Variants in GTF2B observed in about 807,000 individuals in gnomAD.
The protein encoded by GTF2B is transcription initiation factor IIB.
A neutral mutation model predicts 34.6 loss-of-function variants in GTF2B; 20 were observed. That is an observed-to-expected ratio of 0.58 (90% CI 0.41 to 0.84). GTF2B has a LOEUF of 0.84. Ranked by LOEUF, GTF2B falls within the 40% of genes least tolerant of loss-of-function variation. The pLI, the probability that GTF2B is intolerant of heterozygous loss-of-function variation, is 0.00. For missense variants in GTF2B, 237 were observed against 393.3 expected (o/e 0.60, Z 3.36); for synonymous variants, 142 against 132.4 (o/e 1.07, Z -0.50).
intron 3 of GTF2B, among the ~76,000 whole-genome samples, chr1:88,860,845 G>A (rs1027675173): frequency 6.6e-6 from 1 of 152,090 alleles, no homozygotes; most frequent in African/African-American, 2.4e-5. Context: ...ATGATTAATG[G>A]AGAAACATTA....
chr1:88,890,072 A>G lies in GTF2B; in HGVS notation c.17+1411T>C, dbSNP rs528271894. On this transcript the variant is annotated intron_variant, in intron 1 of 6. Transcript: ENST00000370500. ...TTTAACTTTCTTTGTTGTCACTGAT[A>G]GAAAAACTTGAGCAATAACTGCTAT... Among the ~76,000 whole-genome samples the G allele has an allele frequency of 5.3e-5, 8 of 152,198 alleles. No individual in the cohort carries two copies. The East Asian group carries it at 1.5e-3, about 29-fold the overall frequency.
At chr1:88,861,902 C>T (rs917930340) in intron 3 of GTF2B, among the ~76,000 whole-genome samples, 6 of 152,140 alleles carry the variant, frequency 3.9e-5, no homozygotes, top group African/African-American at 1.4e-4. Context: ...TAATATCAAC[C>T]AAGTGGAGAC....
chr1:88,870,671 A>G (rs1673671042), intron 2 of GTF2B, among the ~76,000 whole-genome samples: 1 of 152,206 alleles, frequency 6.6e-6, no homozygotes, highest in Non-Finnish European at 1.5e-5. Flanking sequence ...CAAAAAACAT[A>G]TTCCATTTCC....
intron 3 of GTF2B, among the ~76,000 whole-genome samples, chr1:88,862,731 C>T (rs1199843480): frequency 5.9e-5 from 9 of 151,966 alleles, no homozygotes; most frequent in Non-Finnish European, 1.2e-4. Context: ...CTCCGCCTCC[C>T]GGGTTCAAGC....
intron 2 of GTF2B, among the ~76,000 whole-genome samples, chr1:88,870,240 T>C: frequency 6.6e-6 from 1 of 152,238 alleles, no homozygotes; most frequent in East Asian, 1.9e-4. Flanking sequence ...AAATGACTTC[T>C]AAGGTGAGAG....
intron 5 of GTF2B, among the ~76,000 whole-genome samples, chr1:88,858,136 A>C (rs1400862705): frequency 6.6e-6 from 1 of 151,172 alleles, no homozygotes; most frequent in East Asian, 1.9e-4. Flanking sequence ...AGTAGTTGGG[A>C]TTACAGGCGC....
At chr1:88,871,462 G>A (rs969668426) in intron 2 of GTF2B, among the ~76,000 whole-genome samples, 5 of 152,154 alleles carry the variant, frequency 3.3e-5, no homozygotes, top group Non-Finnish European at 5.9e-5. Context: ...GATGGGGGAA[G>A]GGAAATGTGG....
chr1:88,874,573 C>T (rs559384357), intron 2 of GTF2B, among the ~76,000 whole-genome samples: 14 of 149,596 alleles, frequency 9.4e-5, no homozygotes, highest in Middle Eastern at 7.0e-3. Flanking sequence ...GAACTCCTGG[C>T]CCCAAGTGAT....
chr1:88,869,404 T>G (rs543223353), intron 2 of GTF2B, among the ~76,000 whole-genome samples: 4 of 152,326 alleles, frequency 2.6e-5, no homozygotes, highest in Non-Finnish European at 5.9e-5. Flanking sequence ...AATGGAATAT[T>G]CTTCAGTAAA....
At chr1:88,871,023 T>G (rs1019726747) in intron 2 of GTF2B, among the ~76,000 whole-genome samples, 2 of 151,114 alleles carry the variant, frequency 1.3e-5, no homozygotes, top group African/African-American at 2.4e-5. Context: ...TGCCTTGGCC[T>G]CCTGAGTAGC....
intron 1 of GTF2B, among the ~76,000 whole-genome samples, chr1:88,891,107 T>A (rs1303429215): frequency 1.5e-5 from 1 of 65,602 alleles, no homozygotes. Flanking sequence ...GGGCCGTAGA[T>A]GAAAAAAACA....
In GTF2B at chr1:88,857,303, C is replaced by T; in HGVS notation, c.720G>A (p.Val240=). The change falls in exon 6 of 7, where the codon GTG becomes GTA. Residue 240 remains valine (V), a synonymous_variant. Transcript: ENST00000370500. ...TCCTCCCAGGAACCAAGTCCAGTTC[C>T]ACAGCTTTACGGGCTATATGTGTAG... The part of the protein sequence containing the change: ...MAATHIARKA[V]ELDLVPGRSP... The T allele has an allele frequency of 6.2e-7, 1 of 1,613,660 alleles. No individual in the cohort carries two copies. Among genetic ancestry groups the T allele is most frequent in the Non-Finnish European group, 8.5e-7 (1 of 1,179,592 alleles).
intron 2 of GTF2B, among the ~76,000 whole-genome samples, chr1:88,878,014 G>A (rs1470188798): frequency 6.6e-6 from 1 of 152,172 alleles, no homozygotes; most frequent in Non-Finnish European, 1.5e-5. Flanking sequence ...CCCAGGTTGG[G>A]CGTGGACATT....
At chr1:88,857,185 C>A in intron 6 of GTF2B, 21 bp downstream of exon 6, 2 of 1,586,936 alleles carry the variant, frequency 1.3e-6, no homozygotes, top group Non-Finnish European at 1.7e-6. Context: ...TACTGCCACA[C>A]TTCCTGATGA....
chr1:88,882,187 G>C (rs1008181212), intron 2 of GTF2B, among the ~76,000 whole-genome samples: 6 of 151,866 alleles, frequency 4.0e-5, no homozygotes, highest in African/African-American at 1.2e-4. Flanking sequence ...GTGCATGCCT[G>C]TAATCCCAGG....
At chr1:88,868,007 G>C (rs1295418053) in intron 2 of GTF2B, among the ~76,000 whole-genome samples, 2 of 152,190 alleles carry the variant, frequency 1.3e-5, no homozygotes, top group Non-Finnish European at 2.9e-5. Context: ...AACTCATTTA[G>C]CATACCATGC....
chr1:88,870,507 T>C (rs1400491209), intron 2 of GTF2B, among the ~76,000 whole-genome samples: 1 of 152,208 alleles, frequency 6.6e-6, no homozygotes, highest in Non-Finnish European at 1.5e-5. Flanking sequence ...CAAAGTATGA[T>C]GTATGCCACA....
At chr1:88,875,556 T>C (rs950789237) in intron 2 of GTF2B, among the ~76,000 whole-genome samples, 8 of 152,216 alleles carry the variant, frequency 5.3e-5, no homozygotes, top group African/African-American at 1.9e-4. Flanking sequence ...CACTCACTAC[T>C]ACTGTTTAGG....
At position 88,853,163 on chromosome 1, in the gene GTF2B, T is replaced by C. The variant is rs1293989483; in HGVS notation, c.*50A>G. The C allele has an allele frequency of 6.3e-7, 1 of 1,583,494 alleles. No individual in the cohort carries two copies. The highest frequency in any genetic ancestry group is 1.7e-5 in the Admixed American group (1 of 59,990). On this transcript the variant is annotated 3_prime_UTR_variant, in exon 7 of 7. Coordinates refer to ENST00000370500, the MANE Select transcript of GTF2B (RefSeq NM_001514.6). ...AACCCAGCATTTTGTATAGGCTATG[T>C]ACAACAGGCAAAGTTTTGTATTCAA... is the stretch of plus-strand genomic sequence containing the variant.
Sources: gnomAD v4.1 joint callset for allele counts (sites outside exome capture counted in the v4.1 genomes callset) on GRCh38, gnomAD v4.1.1 for gene constraint, MANE v1.5 for transcripts, NCBI Gene and HGNC (gene_info 2026-07-23, HGNC 2026-07-21) for gene names.